The following KCNQ1 variants were observed in gnomAD, a reference collection of about 807,000 sequenced individuals.
The protein encoded by KCNQ1 is potassium voltage-gated channel subfamily Q member 1.
In KCNQ1, 49 loss-of-function variants were observed where a neutral mutation model predicts 72.4. The ratio of observed to expected loss-of-function variants is 0.68; its 90% CI spans 0.54 to 0.86. KCNQ1 has a LOEUF of 0.86. Among genes scored for constraint, KCNQ1 ranks in the 40% least tolerant of loss-of-function variants. The probability of loss-of-function intolerance (pLI) is 0.00; values close to 1 mark genes in which losing one functional copy is unlikely to be tolerated. For missense variants in KCNQ1, 790 were observed against 945.1 expected (o/e 0.84, Z 2.15); for synonymous variants, 450 against 412.6 (o/e 1.09, Z -1.10).
intron 10 of KCNQ1, chr11:2,633,564 A>C (rs1849399488): frequency 2.5e-6 from 1 of 398,424 alleles, no homozygotes; most frequent in Non-Finnish European, 4.4e-6. Flanking sequence ...GAGATAGTAT[A>C]GTTTCATTCT....
chr11:2,534,519 G>C (rs902342339), intron 2 of KCNQ1, among the ~76,000 whole-genome samples: 1 of 152,328 alleles, frequency 6.6e-6, no homozygotes, highest in African/African-American at 2.4e-5. Context: ...TGCCTGCCTC[G>C]CCCTGCCTGG....
chr11:2,840,660 A>C (rs1210464853), intron 15 of KCNQ1, among the ~76,000 whole-genome samples: 1 of 152,232 alleles, frequency 6.6e-6, no homozygotes. Flanking sequence ...TGTGTGGCAA[A>C]ACAAAAAAAT....
At chr11:2,631,181 C>G (rs756606156) in intron 10 of KCNQ1, 5 of 398,346 alleles carry the variant, frequency 1.3e-5, no homozygotes, top group Non-Finnish European at 8.8e-6. Flanking sequence ...AACTTTCTAC[C>G]CTTTACCTCT....
intron 2 of KCNQ1, among the ~76,000 whole-genome samples, chr11:2,532,583 A>G (rs974805932): frequency 2.6e-5 from 4 of 152,038 alleles, no homozygotes; most frequent in African/African-American, 9.7e-5. Context: ...CAGGGCCGAG[A>G]CTGAGGCGTG....
intron 11 of KCNQ1, chr11:2,697,951 TAC>T: frequency 2.5e-6 from 1 of 398,666 alleles, no homozygotes; most frequent in East Asian, 3.6e-5. Context: ...CACATTAAAA[TAC>T]ACCCATAATC....
At position 2,538,129 on chromosome 11, in the gene KCNQ1, T is replaced by C. The variant is rs1240207940; in HGVS notation, c.477+10111T>C. Reference sequence around the variant, plus strand: ...ATGAGGACCTTCAACTTAGCCAGGGTGTCCGACTCTCAGGACACCGCTGTC... The same window carrying C: ...ATGAGGACCTTCAACTTAGCCAGGGCGTCCGACTCTCAGGACACCGCTGTC... On this transcript the variant is annotated intron_variant, in intron 2 of 15. Coordinates refer to ENST00000155840, the MANE Select transcript of KCNQ1 (RefSeq NM_000218.3). The surrounding 1 kb of genome is among the most constrained non-coding windows in gnomAD (Gnocchi z 6.7). 6.6e-6 allele frequency among the ~76,000 whole-genome samples: 1 copy of C among 152,158 alleles called. No homozygotes were observed. Among genetic ancestry groups the C allele is most frequent in the Non-Finnish European group, 1.5e-5 (1 of 68,036 alleles).
chr11:2,584,117 G>A (rs969316079), intron 7 of KCNQ1, among the ~76,000 whole-genome samples: 1 of 152,180 alleles, frequency 6.6e-6, no homozygotes, highest in Non-Finnish European at 1.5e-5. Context: ...GTATGTGTGC[G>A]TGCATACTGT....
rs1846168658 is a variant in KCNQ1 at position 2,748,188 on chromosome 11, C to T, written c.1515-20656C>T. ...CAGGAAAGACCCCTACACAGACCCC[C>T]AGCTCTGCAGTCAGCCCTGTCTCCT... On this transcript the variant is annotated intron_variant, in intron 11 of 15. Coordinates refer to ENST00000155840, the MANE Select transcript of KCNQ1 (RefSeq NM_000218.3). This position sits in a 1 kb window ranked among gnomAD's most constrained non-coding sequence, Gnocchi z 6.2. Among the ~76,000 whole-genome samples, 1 of 152,184 alleles carries T rather than the reference C, an allele frequency of 6.6e-6. No individual in the cohort carries two copies.
At position 2,510,172 on chromosome 11, in the gene KCNQ1, G is replaced by A. The variant is rs528754264; in HGVS notation, c.387-17756G>A. Among the ~76,000 whole-genome samples, 146 of 151,950 alleles carry A rather than the reference G, an allele frequency of 9.6e-4. 1 individual carries two copies. The highest frequency in any genetic ancestry group is 3.5e-3 in the African/African-American group (143 of 41,416). On this transcript the variant is annotated intron_variant, in intron 1 of 15. Transcript: ENST00000155840. ...CACATACCTGTGGTCCCAACTACTC[G>A]GGAGGCTGAGGTAGGAGCATCACTT...
chr11:2,772,129 G>A lies in KCNQ1; in HGVS notation c.1590+3210G>A, dbSNP rs1846612256. ...GGGTGGGGCCAGGGTGAGGGGAGCAGTAGCCCGTGGCAGTGAGGAGCTGTG... is the reference window on the plus strand; with the variant it reads ...GGGTGGGGCCAGGGTGAGGGGAGCAATAGCCCGTGGCAGTGAGGAGCTGTG... On this transcript the variant is annotated intron_variant, in intron 12 of 15. Coordinates refer to ENST00000155840, the MANE Select transcript of KCNQ1 (RefSeq NM_000218.3). The surrounding 1 kb of genome is among the most constrained non-coding windows in gnomAD (Gnocchi z 6.6). Among the ~76,000 whole-genome samples, 1 of 152,170 alleles carries A rather than the reference G, an allele frequency of 6.6e-6. No homozygotes were observed. Among genetic ancestry groups the A allele is most frequent in the African/African-American group, 2.4e-5 (1 of 41,444 alleles).
intron 1 of KCNQ1, among the ~76,000 whole-genome samples, chr11:2,459,266 G>A (rs1846240204): frequency 6.6e-6 from 1 of 152,204 alleles, no homozygotes; most frequent in African/African-American, 2.4e-5. Flanking sequence ...TTAGGATGTG[G>A]GGCGTGGTGT....
chr11:2,490,416 G>C (rs1190298720), intron 1 of KCNQ1, among the ~76,000 whole-genome samples: 2 of 152,194 alleles, frequency 1.3e-5, no homozygotes, highest in African/African-American at 2.4e-5. Context: ...AGAGCCCTGG[G>C]GCTTTGAGTG....
intron 12 of KCNQ1, among the ~76,000 whole-genome samples, chr11:2,771,756 C>T (rs776865298): frequency 9.9e-5 from 15 of 152,150 alleles, no homozygotes; most frequent in South Asian, 8.3e-4. Flanking sequence ...AGAGAGAGAT[C>T]ATCTGCGCCA....
Position 2,783,951 on chromosome 11 carries a change from T to C in KCNQ1, c.1794+5914T>C, listed in dbSNP as rs1846869657. On this transcript the variant is annotated intron_variant, in intron 15 of 15. Transcript: ENST00000155840. This position sits in a 1 kb window ranked among gnomAD's most constrained non-coding sequence, Gnocchi z 5.2. ...TTTCTCCCATTCTGTGGCTGTCTTT[T>C]CATTTCCTTAATCACATCTTTTAAA... 6.6e-6 allele frequency among the ~76,000 whole-genome samples: 1 copy of C among 152,074 alleles called. No homozygotes were observed. The highest frequency in any genetic ancestry group is 6.5e-5 in the Admixed American group (1 of 15,272).
At chr11:2,675,570 C>T in intron 11 of KCNQ1, 1 of 398,690 alleles carries the variant, frequency 2.5e-6, no homozygotes, top group African/African-American at 2.1e-5. Context: ...ACATACGTAA[C>T]AGTTTCACTT....
intron 1 of KCNQ1, among the ~76,000 whole-genome samples, chr11:2,513,821 C>T (rs978850769): frequency 6.6e-6 from 1 of 152,234 alleles, no homozygotes; most frequent in African/African-American, 2.4e-5. Context: ...TCCCTTATTG[C>T]CCCTTCCAGT....
Position 2,538,005 on chromosome 11 carries a change from C to T in KCNQ1, c.477+9987C>T, listed in dbSNP as rs1847763637. Among the ~76,000 whole-genome samples, 1 of 152,212 alleles carries T rather than the reference C, an allele frequency of 6.6e-6. No individual in the cohort carries two copies. The highest frequency in any genetic ancestry group is 2.4e-5 in the African/African-American group (1 of 41,442). The stretch of plus-strand genomic sequence containing the variant: ...GTGCTGAGATTATAGGCATGAACCA[C>T]TGCACTCAGCCTGCTTTGTTTTTAT... On this transcript the variant is annotated intron_variant, in intron 2 of 15. Transcript: ENST00000155840. The surrounding 1 kb of genome is among the most constrained non-coding windows in gnomAD (Gnocchi z 6.7).
Position 2,671,333 on chromosome 11 carries a change from C to A in KCNQ1, c.1514+9252C>A. ...CCATGTGTGGCTGCAGCCTCAGAGG[C>A]TCCCTCTGAAGATGACACTGGGAAT... On this transcript the variant is annotated intron_variant, in intron 11 of 15. Transcript: ENST00000155840. This position sits in a 1 kb window ranked among gnomAD's most constrained non-coding sequence, Gnocchi z 4.7. 2.5e-6 allele frequency: 1 copy of A among 398,610 alleles called. No homozygotes were observed. Among genetic ancestry groups the A allele is most frequent in the Non-Finnish European group, 4.4e-6 (1 of 226,068 alleles). 24.7% of individuals were successfully genotyped at this position (398,610 alleles called of 1,614,324 possible). A position where few individuals can be genotyped will look rare whatever the true frequency, so the allele number is the denominator to read the frequency against.
In KCNQ1 at chr11:2,647,784, T is replaced by A; in HGVS notation, c.1394-14177T>A. On this transcript the variant is annotated intron_variant, in intron 10 of 15. Coordinates refer to ENST00000155840, the MANE Select transcript of KCNQ1 (RefSeq NM_000218.3). This position sits in a 1 kb window ranked among gnomAD's most constrained non-coding sequence, Gnocchi z 4.0. ...AGGTTTTCTAATTGTTGACATATAG[T>A]TGTTCATAATGGTCTCTAATAATCT... The A allele has an allele frequency of 2.5e-6, 1 of 398,568 alleles. No individual in the cohort carries two copies. The highest frequency in any genetic ancestry group is 4.4e-6 in the Non-Finnish European group (1 of 226,050). The allele number at this position is 398,568 out of a possible 1,614,324, so 24.7% of individuals were successfully genotyped here.
Sources: allele counts gnomAD v4.1 joint callset (sites outside exome capture counted in the v4.1 genomes callset), GRCh38; gene constraint gnomAD v4.1.1; non-coding constraint Gnocchi (gnomAD v3.1); transcripts MANE v1.5; gene names NCBI Gene and HGNC (gene_info 2026-07-23, HGNC 2026-07-21).